Variants in ARL14EPL observed in about 807,000 individuals in gnomAD.
The protein encoded by ARL14EPL is ARL14 effector protein-like.
ARL14EPL carries 17 observed loss-of-function variants against 15.9 expected under a neutral mutation model. The ratio of observed to expected loss-of-function variants is 1.07; its 90% CI spans 0.73 to 1.60. ARL14EPL has a LOEUF of 1.60. ARL14EPL is among the 40% of genes most tolerant of loss of function. The pLI is 0.00. For synonymous variants in ARL14EPL, 78 were observed against 63.8 expected, an observed-to-expected ratio of 1.22 and a Z score of -1.06; for missense variants, 214 against 185.9, an observed-to-expected ratio of 1.15 and a Z score of -0.88.
At chr5:116,057,787 G>T (rs1009942967) in intron 3 of ARL14EPL, among the ~76,000 whole-genome samples, 1 of 152,190 alleles carries the variant, frequency 6.6e-6, no homozygotes, top group Non-Finnish European at 1.5e-5. Context: ...AGGAGAGGAG[G>T]CATTGTGCCT....
intron 2 of ARL14EPL, chr5:116,051,890 G>T: frequency 3.0e-6 from 4 of 1,346,486 alleles, no homozygotes; most frequent in East Asian, 2.3e-5. Flanking sequence ...TTTTCCAAAT[G>T]TACAGCTGGT....
intron 1 of ARL14EPL, among the ~76,000 whole-genome samples, chr5:116,038,147 A>C (rs979048089): frequency 6.6e-6 from 1 of 152,214 alleles, no homozygotes; most frequent in Non-Finnish European, 1.5e-5. Flanking sequence ...TCACTAAGTT[A>C]CTATTCACAG....
At chr5:116,036,930 A>G (rs1749058847) in intron 1 of ARL14EPL, among the ~76,000 whole-genome samples, 1 of 126,164 alleles carries the variant, frequency 7.9e-6, no homozygotes, top group South Asian at 2.3e-4. Context: ...AGGCAATTAA[A>G]GATTTTTTTT....
chr5:116,046,410 C>A (rs1401019159), intron 1 of ARL14EPL, among the ~76,000 whole-genome samples: 1 of 152,188 alleles, frequency 6.6e-6, no homozygotes, highest in Non-Finnish European at 1.5e-5. Flanking sequence ...ACTCTACCTG[C>A]CACAGCATCC....
chr5:116,039,355 G>C (rs1185572327), intron 1 of ARL14EPL, among the ~76,000 whole-genome samples: 2 of 152,040 alleles, frequency 1.3e-5, no homozygotes, highest in Admixed American at 6.6e-5. Flanking sequence ...TCTCTACAAA[G>C]GTATCAGGAA....
At chr5:116,033,843 A>G (rs150281453) in intron 1 of ARL14EPL, among the ~76,000 whole-genome samples, 2 of 152,332 alleles carry the variant, frequency 1.3e-5, no homozygotes, top group East Asian at 3.9e-4. Flanking sequence ...AATAGAGTAT[A>G]TGTTTGTGGG....
In ARL14EPL at chr5:116,058,766, A is replaced by G; in HGVS notation, c.278A>G (p.Asn93Ser). ...GACAAAAGTGGCAGGCTCATCTGTA[A>G]TGACGCTGATCTGTGTGATTGTCTA... ...KYDKSGRLIC[N>S]DADLCDCLEK... The change falls in exon 4 of 4, where the codon AAT becomes AGT. Residue 93 changes from asparagine to serine, a missense_variant. Physicochemically the swap from Asn to Ser is conservative, Grantham distance 46. Transcript: ENST00000686077. 1 of 1,535,678 alleles carries G rather than the reference A, an allele frequency of 6.5e-7. No individual in the cohort carries two copies. Among genetic ancestry groups the G allele is most frequent in the Non-Finnish European group, 8.7e-7 (1 of 1,146,912 alleles).
At chr5:116,039,685 A>G (rs1443390328) in intron 1 of ARL14EPL, among the ~76,000 whole-genome samples, 1 of 150,222 alleles carries the variant, frequency 6.7e-6, no homozygotes, top group East Asian at 1.9e-4. Flanking sequence ...TATGACATAG[A>G]AAAAAAAACA....
At position 116,051,786 on chromosome 5, in the gene ARL14EPL, C is replaced by G. The variant is rs898105019; in HGVS notation, c.96+225C>G. Reference sequence around the variant, plus strand: ...CCTCCTGTGTACCCTGATTTTTAGCCCAGTGTTCTGTACAATAAAATTCTG... The same window carrying G: ...CCTCCTGTGTACCCTGATTTTTAGCGCAGTGTTCTGTACAATAAAATTCTG... On this transcript the variant is annotated intron_variant, in intron 2 of 3. Transcript: ENST00000686077. The G allele has an allele frequency of 4.0e-6, 3 of 745,946 alleles. No individual in the cohort carries two copies. The African/African-American group carries it at 5.3e-5, about 13-fold the overall frequency. The allele number at this position is 745,946 out of a possible 1,614,324, so 46.2% of individuals were successfully genotyped here. A position where few individuals can be genotyped will look rare whatever the true frequency, so the allele number is the denominator to read the frequency against.
chr5:116,046,303 G>A (rs553669942), intron 1 of ARL14EPL, among the ~76,000 whole-genome samples: 3 of 152,150 alleles, frequency 2.0e-5, no homozygotes, highest in African/African-American at 4.8e-5. Flanking sequence ...TAAATGGAAC[G>A]TTTCTTGCTT....
intron 1 of ARL14EPL, among the ~76,000 whole-genome samples, chr5:116,038,134 A>G (rs966463009): frequency 1.3e-5 from 2 of 152,222 alleles, no homozygotes; most frequent in Admixed American, 1.3e-4. Context: ...CCTGGGAAAC[A>G]GATCACTAAG....
At chr5:116,040,200 T>G (rs1358787835) in intron 1 of ARL14EPL, among the ~76,000 whole-genome samples, 5 of 152,280 alleles carry the variant, frequency 3.3e-5, no homozygotes. Context: ...TAATGTCTAT[T>G]TTAAAGCTTT....
chr5:116,049,762 G>A (rs1029187848), intron 1 of ARL14EPL, among the ~76,000 whole-genome samples: 3 of 152,214 alleles, frequency 2.0e-5, no homozygotes, highest in African/African-American at 7.2e-5. Flanking sequence ...AGAAACTCCA[G>A]CAGTGCTATA....
intron 2 of ARL14EPL, chr5:116,052,212 A>G (rs1749399476): frequency 2.5e-6 from 4 of 1,606,452 alleles, no homozygotes; most frequent in Non-Finnish European, 2.6e-6. Flanking sequence ...TTGCCCCCGG[A>G]TTTGTTCACT....
At chr5:116,044,738 G>A (rs760175415) in intron 1 of ARL14EPL, among the ~76,000 whole-genome samples, 1 of 152,060 alleles carries the variant, frequency 6.6e-6, no homozygotes, top group Admixed American at 6.6e-5. Context: ...GGAAGAGTGA[G>A]TTAACATTTA....
At chr5:116,052,102 A>G in intron 2 of ARL14EPL, 1 of 1,613,244 alleles carries the variant, frequency 6.2e-7, no homozygotes, top group African/African-American at 1.3e-5. Flanking sequence ...TATAGTTGGG[A>G]ACTTCCTTAC....
intron 1 of ARL14EPL, among the ~76,000 whole-genome samples, chr5:116,049,802 G>A (rs1354314773): frequency 6.6e-6 from 1 of 152,166 alleles, no homozygotes; most frequent in Non-Finnish European, 1.5e-5. Context: ...TTATGGCAGT[G>A]TCACTGTATT....
At chr5:116,047,103 T>G (rs1749283046) in intron 1 of ARL14EPL, among the ~76,000 whole-genome samples, 1 of 152,274 alleles carries the variant, frequency 6.6e-6, no homozygotes, top group South Asian at 2.1e-4. Flanking sequence ...GAGAAATAAA[T>G]GTCTGTTGTT....
rs1749588947 is a variant in ARL14EPL, at chr5:116,059,074, A to C, written c.*127A>C. 2 of 866,186 alleles carry C rather than the reference A, an allele frequency of 2.3e-6. No homozygotes were observed. Among genetic ancestry groups the C allele is most frequent in the African/African-American group, 1.7e-5 (1 of 59,776 alleles). The allele number at this position is 866,186 out of a possible 1,614,324, so 53.7% of individuals were successfully genotyped here. A position where few individuals can be genotyped will look rare whatever the true frequency, so the allele number is the denominator to read the frequency against. On this transcript the variant is annotated 3_prime_UTR_variant, in exon 4 of 4. Transcript: ENST00000686077. Reference sequence around the variant, plus strand: ...CATACTGAAGACTCATGTTCTGTCAAGCCCCAGAACAATGTAGAATGGGCA... The same window carrying C: ...CATACTGAAGACTCATGTTCTGTCACGCCCCAGAACAATGTAGAATGGGCA...
Sources: gnomAD v4.1 joint callset for allele counts (sites outside exome capture counted in the v4.1 genomes callset) on GRCh38, gnomAD v4.1.1 for gene constraint, MANE v1.5 for transcripts, NCBI Gene and HGNC (gene_info 2026-07-23, HGNC 2026-07-21) for gene names.